ERO1A: variants seen among roughly 807,000 people sequenced by gnomAD.
ERO1A encodes the protein endoplasmic reticulum oxidoreductase 1 alpha.
ERO1A carries 49 observed loss-of-function variants against 76.9 expected under a neutral mutation model. That is an observed-to-expected ratio of 0.64 (90% confidence interval 0.51 to 0.81). The LOEUF is 0.81. Ranked by LOEUF, ERO1A falls within the 30% of genes least tolerant of loss-of-function variation. The pLI, the probability that ERO1A is intolerant of heterozygous loss-of-function variation, is 0.00. For missense variants in ERO1A, 448 were observed against 542.1 expected, an observed-to-expected ratio of 0.83 and a Z score of 1.72; for synonymous variants, 174 against 181.2, an observed-to-expected ratio of 0.96 and a Z score of 0.32.
chr14:52,678,385 C>A (rs1254245362), intron 4 of ERO1A, 49 bp downstream of exon 4: 1 of 1,539,994 alleles, frequency 6.5e-7, no homozygotes, highest in Admixed American at 1.8e-5. Flanking sequence ...ATGGGTTTTT[C>A]AAGTTTTTCA....
At position 52,666,481 on chromosome 14, in the gene ERO1A, C is replaced by T; in HGVS notation, c.523G>A (p.Glu175Lys). ...AGAAGCAAATCTACATATTCAGCTT[C>T]AGGGGACTGAATGTCTGTAAAATAA... is the stretch of plus-strand genomic sequence containing the variant. ...FCEADDIQSPEAEYVDLLLNP... is the reference protein window; with the variant it reads ...FCEADDIQSPKAEYVDLLLNP... The change falls in exon 7 of 16, where the codon GAA (glutamate) becomes AAA (lysine). Residue 175 changes from glutamate to lysine, a missense_variant. By Grantham distance (56) the Glu-to-Lys change is moderately conservative (BLOSUM62 1). Around this residue, in one of 2 missense-constraint regions of ERO1A, gnomAD observed 302 missense variants for 411.9 expected, o/e 0.73. Coordinates refer to ENST00000395686, the MANE Select transcript of ERO1A (RefSeq NM_014584.3). The T allele has an allele frequency of 6.2e-7, 1 of 1,608,074 alleles. No individual in the cohort carries two copies. The highest frequency in any genetic ancestry group is 8.5e-7 in the Non-Finnish European group (1 of 1,178,314).
chr14:52,675,840 C>G (rs958436775), intron 4 of ERO1A, among the ~76,000 whole-genome samples: 3 of 152,064 alleles, frequency 2.0e-5, no homozygotes, highest in Admixed American at 6.6e-5. Context: ...TGAGAACAGG[C>G]ATGTGCCACC....
chr14:52,680,101 A>C (rs1332621690), intron 3 of ERO1A, among the ~76,000 whole-genome samples: 5 of 150,316 alleles, frequency 3.3e-5, no homozygotes, highest in South Asian at 2.1e-4. Flanking sequence ...AAAAAAAAAA[A>C]AACAAAGTAT....
At position 52,663,681 on chromosome 14, in the gene ERO1A, G is replaced by A. The variant is rs2040306947; in HGVS notation, c.676+120C>T. 3.0e-5 allele frequency: 18 copies of A among 604,604 alleles called. No homozygotes were observed. The South Asian group carries it at 3.6e-4, about 12-fold the overall frequency. The allele number at this position is 604,604 out of a possible 1,614,324, so 37.5% of individuals were successfully genotyped here. On this transcript the variant is annotated intron_variant, in intron 8 of 15. Transcript: ENST00000395686. The stretch of plus-strand genomic sequence containing the variant: ...TGCAAGCGTGAGGCATAACTCTATG[G>A]AAACAGGACTGTGGATTATATGACT...
intron 6 of ERO1A, among the ~76,000 whole-genome samples, chr14:52,671,120 T>C (rs1338281093): frequency 1.3e-5 from 2 of 152,232 alleles, no homozygotes; most frequent in African/African-American, 4.8e-5. Context: ...GCCTGACCTA[T>C]TTCACTTAGC....
chr14:52,659,981 G>A (rs2040180328), intron 9 of ERO1A, among the ~76,000 whole-genome samples: 1 of 152,098 alleles, frequency 6.6e-6, no homozygotes, highest in Admixed American at 6.5e-5. Context: ...TCACAGGTGT[G>A]CACCACCACG....
Position 52,658,002 on chromosome 14 carries a change from A to C in ERO1A, c.723T>G (p.Cys241Trp), listed in dbSNP as rs367547088. 9 of 1,606,402 alleles carry C rather than the reference A, an allele frequency of 5.6e-6. No homozygotes were observed. Among genetic ancestry groups the C allele is most frequent in the Non-Finnish European group, 7.7e-6 (9 of 1,175,240 alleles). Residue 241 changes from cysteine (C) to tryptophan (W), a missense_variant, in exon 11 of 16, where the codon TGT becomes TGG. By Grantham distance (215) the Cys-to-Trp change is radical. Coordinates refer to ENST00000395686, the MANE Select transcript of ERO1A (RefSeq NM_014584.3). ...GTCTGTAGAATGCTCTTTTTTCTAC[A>C]CAGAGACCTAAGAAAAAGCAGTGAC... ...NTFYSWLEGL[C>W]VEKRAFYRLI... is the part of the protein sequence containing the mutation.
intron 8 of ERO1A, among the ~76,000 whole-genome samples, chr14:52,661,666 T>C (rs959789164): frequency 6.6e-6 from 1 of 152,184 alleles, no homozygotes; most frequent in Non-Finnish European, 1.5e-5. Flanking sequence ...CATTTATTTA[T>C]CCTAAAGCTA....
rs907587475 is a variant in ERO1A, at chr14:52,642,949, C to G, written c.*621G>C. The G allele has an allele frequency of 3.3e-5, 5 of 152,590 alleles. No individual in the cohort carries two copies. The highest frequency in any genetic ancestry group is 1.2e-4 in the African/African-American group (5 of 41,540). The allele number at this position is 152,590 out of a possible 1,614,324, so 9.5% of individuals were successfully genotyped here. A position where few individuals can be genotyped will look rare whatever the true frequency, so the allele number is the denominator to read the frequency against. On this transcript the variant is annotated 3_prime_UTR_variant, in exon 16 of 16. Coordinates refer to ENST00000395686, the MANE Select transcript of ERO1A (RefSeq NM_014584.3). ...ACTTCTAAAAGTGATTTGTTTCATA[C>G]CAATGTATTTTAGGATTGCCAGATA... is the stretch of plus-strand genomic sequence containing the variant.
intron 6 of ERO1A, among the ~76,000 whole-genome samples, chr14:52,670,224 C>T (rs1424223517): frequency 1.3e-5 from 2 of 152,072 alleles, no homozygotes; most frequent in African/African-American, 4.8e-5. Context: ...TTTGAAAGAG[C>T]GTTAGTCCAC....
chr14:52,678,329 G>T, intron 4 of ERO1A, 105 bp downstream of exon 4: 1 of 786,934 alleles, frequency 1.3e-6, no homozygotes, highest in Non-Finnish European at 2.1e-6. Flanking sequence ...CTCTCAAGGG[G>T]TTTCACCACT....
chr14:52,677,723 C>T (rs548221873), intron 4 of ERO1A, among the ~76,000 whole-genome samples: 228 of 151,804 alleles, frequency 1.5e-3, no homozygotes, highest in Non-Finnish European at 2.5e-3. Flanking sequence ...ATTATCTATG[C>T]ATGGAGGCAT....
chr14:52,693,763 G>T (rs1393569786), intron 1 of ERO1A, among the ~76,000 whole-genome samples: 1 of 152,062 alleles, frequency 6.6e-6, no homozygotes, highest in Non-Finnish European at 1.5e-5. Flanking sequence ...CTCCCAAAGT[G>T]CTGGGATTAC....
chr14:52,690,179 A>ACAT (rs1007755840), intron 1 of ERO1A, among the ~76,000 whole-genome samples: 2 of 152,242 alleles, frequency 1.3e-5, no homozygotes, highest in African/African-American at 4.8e-5. Context: ...CTAGAAAAAA[A>ACAT]CATAGGAGAA....
At chr14:52,646,021 C>T (rs943775943) in intron 15 of ERO1A, 133 bp downstream of exon 15, 24 of 1,060,860 alleles carry the variant, frequency 2.3e-5, no homozygotes, top group African/African-American at 1.6e-4. Flanking sequence ...GGGCTACAGA[C>T]CAAAACTCCG....
rs564409813 is a variant in ERO1A, at chr14:52,674,782, A to C, written c.358-2911T>G. 4.6e-4 allele frequency among the ~76,000 whole-genome samples: 70 copies of C among 152,238 alleles called. 1 individual carries two copies. The highest frequency in any genetic ancestry group is 4.5e-3 in the Admixed American group (69 of 15,284). On this transcript the variant is annotated intron_variant, in intron 4 of 15. Transcript: ENST00000395686. ...CTTTGCAGGATAATGCTAACATTCT[A>C]TCTCTTAATAGAAGCCTAGGTTACA...
rs556471898 is a variant in ERO1A, at chr14:52,694,415, A to C, written c.114+953T>G. 3.3e-5 allele frequency among the ~76,000 whole-genome samples: 5 copies of C among 152,360 alleles called. No individual in the cohort carries two copies. The East Asian group carries it at 9.6e-4, about 29-fold the overall frequency. On this transcript the variant is annotated intron_variant, in intron 1 of 15. Coordinates refer to ENST00000395686, the MANE Select transcript of ERO1A (RefSeq NM_014584.3). Reference sequence around the variant, plus strand: ...TAAAGTAGTGAAAGAGAAACCTTTCATAATATTTAAATGCATCTTTCCTTT... The same window carrying C: ...TAAAGTAGTGAAAGAGAAACCTTTCCTAATATTTAAATGCATCTTTCCTTT...
chr14:52,691,215 C>T (rs771424308), intron 1 of ERO1A, among the ~76,000 whole-genome samples: 40 of 152,266 alleles, frequency 2.6e-4, no homozygotes, highest in Non-Finnish European at 4.4e-4. Flanking sequence ...ATAAAAAGTA[C>T]TCATCTGTTG....
At chr14:52,660,663 G>C (rs1394494135) in intron 9 of ERO1A, among the ~76,000 whole-genome samples, 1 of 152,122 alleles carries the variant, frequency 6.6e-6, no homozygotes, top group African/African-American at 2.4e-5. Flanking sequence ...AGAAAATAGA[G>C]GATTTTGAGG....
Sources: gnomAD v4.1 joint callset for allele counts (sites outside exome capture counted in the v4.1 genomes callset) on GRCh38, gnomAD v4.1.1 for gene constraint, gnomAD v4.1.1 regional missense constraint, MANE v1.5 for transcripts, NCBI Gene and HGNC (gene_info 2026-07-23, HGNC 2026-07-21) for gene names.